PDZRN4: variants seen among roughly 807,000 people sequenced by gnomAD.
PDZRN4 encodes PDZ domain-containing RING finger protein 4.
A neutral mutation model predicts 99.0 loss-of-function variants in PDZRN4; 70 were observed. That is an observed-to-expected ratio of 0.71 (90% CI 0.58 to 0.86). PDZRN4 has a LOEUF of 0.86. Among genes scored for constraint, PDZRN4 ranks in the 40% least tolerant of loss-of-function variants. The pLI is 0.00. For synonymous variants in PDZRN4, 551 were observed against 501.6 expected (o/e 1.10, Z -1.32); for missense variants, 1,474 against 1,331.2 (o/e 1.11, Z -1.67).
In PDZRN4 at chr12:41,306,855, T is replaced by A. The variant is rs138490091; in HGVS notation, c.843+112667T>A. Among the ~76,000 whole-genome samples the A allele has an allele frequency of 2.0e-5, 3 of 152,312 alleles. No individual in the cohort carries two copies. The East Asian group carries it at 5.8e-4, about 29-fold the overall frequency. On this transcript the variant is annotated intron_variant, in intron 3 of 9. Coordinates refer to ENST00000402685, the MANE Select transcript of PDZRN4 (RefSeq NM_001164595.2). ...TATAATGAGGATCACCTTTTCTTCA[T>A]TGTCCACTAAGATACTCCTCATTTC...
chr12:41,547,354 G>T (rs749215462), intron 5 of PDZRN4, among the ~76,000 whole-genome samples: 2 of 152,136 alleles, frequency 1.3e-5, no homozygotes, highest in South Asian at 2.1e-4. Flanking sequence ...GGCCAGGCAC[G>T]GTGGCTTATG....
chr12:41,247,310 A>C (rs1951139468), intron 3 of PDZRN4, among the ~76,000 whole-genome samples: 1 of 152,062 alleles, frequency 6.6e-6, no homozygotes. Context: ...CAGAACTAGC[A>C]TTACCTGAGG....
chr12:41,399,360 A>G (rs1952273460), intron 3 of PDZRN4, among the ~76,000 whole-genome samples: 4 of 152,308 alleles, frequency 2.6e-5, no homozygotes, highest in Middle Eastern at 6.8e-3. Context: ...CTTTCTGCCT[A>G]TTTTGCCAAC....
intron 3 of PDZRN4, among the ~76,000 whole-genome samples, chr12:41,463,224 C>G (rs1254657478): frequency 6.6e-6 from 1 of 152,132 alleles, no homozygotes; most frequent in Admixed American, 6.6e-5. Flanking sequence ...ACTGGACAAA[C>G]GGCTGATTTG....
At chr12:41,347,882 A>C (rs1951866167) in intron 3 of PDZRN4, among the ~76,000 whole-genome samples, 1 of 152,148 alleles carries the variant, frequency 6.6e-6, no homozygotes, top group Non-Finnish European at 1.5e-5. Context: ...AAGTGAACGA[A>C]GCAAATATTT....
At chr12:41,426,819 A>C (rs555876553) in intron 3 of PDZRN4, among the ~76,000 whole-genome samples, 1 of 152,306 alleles carries the variant, frequency 6.6e-6, no homozygotes, top group African/African-American at 2.4e-5. Flanking sequence ...TTACATGTAG[A>C]CTTAGAAGGA....
chr12:41,567,657 G>A (rs1028256748), intron 8 of PDZRN4, 126 bp from the exon 9 acceptor site: 5 of 458,970 alleles, frequency 1.1e-5, no homozygotes, highest in East Asian at 1.0e-4. Flanking sequence ...AACTGTGGGA[G>A]GCTGGTATTC....
At chr12:41,437,768 T>A in intron 3 of PDZRN4, 5 of 1,513,814 alleles carry the variant, frequency 3.3e-6, no homozygotes, top group Non-Finnish European at 4.4e-6. Context: ...AAGAAGAGCA[T>A]GCTGCTACAC....
intron 5 of PDZRN4, among the ~76,000 whole-genome samples, chr12:41,512,136 A>T (rs1938316570): frequency 6.6e-6 from 1 of 152,108 alleles, no homozygotes; most frequent in East Asian, 1.9e-4. Flanking sequence ...CAGGCAATCA[A>T]GGAAGTAGAA....
chr12:41,520,361 G>T (rs1201679745), intron 5 of PDZRN4, among the ~76,000 whole-genome samples: 1 of 151,948 alleles, frequency 6.6e-6, no homozygotes, highest in African/African-American at 2.4e-5. Context: ...CTTGTTTTAT[G>T]CATCCCTCTC....
intron 3 of PDZRN4, chr12:41,460,106 G>T: frequency 7.8e-7 from 1 of 1,274,972 alleles, no homozygotes; most frequent in Non-Finnish European, 1.0e-6. Context: ...TCTGTCAGGG[G>T]ATCATAAACA....
chr12:41,387,731 C>A (rs180732835), intron 3 of PDZRN4, among the ~76,000 whole-genome samples: 4 of 152,300 alleles, frequency 2.6e-5, no homozygotes, highest in Admixed American at 2.0e-4. Context: ...AATGAGCTAC[C>A]ATCTCACACC....
At chr12:41,384,405 A>C (rs1457806604) in intron 3 of PDZRN4, among the ~76,000 whole-genome samples, 1 of 152,168 alleles carries the variant, frequency 6.6e-6, no homozygotes, top group African/African-American at 2.4e-5. Context: ...TAACACAGAC[A>C]GAAACTTTAT....
chr12:41,192,848 T>C (rs1014316013), intron 2 of PDZRN4, among the ~76,000 whole-genome samples: 7 of 152,272 alleles, frequency 4.6e-5, no homozygotes, highest in Non-Finnish European at 1.0e-4. Flanking sequence ...TTTAAACTTA[T>C]AGAATATACT....
chr12:41,462,569 A>T (rs1372255652), intron 3 of PDZRN4, among the ~76,000 whole-genome samples: 2 of 152,214 alleles, frequency 1.3e-5, no homozygotes, highest in Non-Finnish European at 2.9e-5. Context: ...ATACAGACAT[A>T]TCTTTAGGAA....
intron 3 of PDZRN4, among the ~76,000 whole-genome samples, chr12:41,380,085 T>C (rs1022784478): frequency 2.6e-5 from 4 of 152,092 alleles, no homozygotes; most frequent in Non-Finnish European, 4.4e-5. Flanking sequence ...CTCTTTAATA[T>C]TATATATTTA....
intron 3 of PDZRN4, among the ~76,000 whole-genome samples, chr12:41,419,334 GT>G (rs1158179317): frequency 6.6e-6 from 1 of 152,166 alleles, no homozygotes; most frequent in Non-Finnish European, 1.5e-5. Context: ...CAGTTGGTGT[GT>G]TAGTGTGCTA....
In PDZRN4 at chr12:41,272,548, A is replaced by G. The variant is rs1951321595; in HGVS notation, c.843+78360A>G. 2.0e-5 allele frequency among the ~76,000 whole-genome samples: 3 copies of G among 152,204 alleles called. No individual in the cohort carries two copies. In the South Asian group the frequency reaches 6.2e-4, roughly 31 times the overall value. On this transcript the variant is annotated intron_variant, in intron 3 of 9. Coordinates refer to ENST00000402685, the MANE Select transcript of PDZRN4 (RefSeq NM_001164595.2). ...TAAGGGTCACGGATTTAATTGCCTC[A>G]ATAAATATATACCTATACTATCAGT... is the stretch of plus-strand genomic sequence containing the variant.
At chr12:41,227,914 CACACA>C (rs1566375510) in intron 3 of PDZRN4, among the ~76,000 whole-genome samples, 13,712 of 143,604 alleles carry the variant, frequency 0.095, 829 homozygotes, top group African/African-American at 0.18. Flanking sequence ...CACACACACA[CACACA>C]CCAGAAGGGT....
Sources: allele counts gnomAD v4.1 joint callset (sites outside exome capture counted in the v4.1 genomes callset), GRCh38; gene constraint gnomAD v4.1.1; transcripts MANE v1.5; gene names NCBI Gene and HGNC (gene_info 2026-07-23, HGNC 2026-07-21).